The following NOS1AP variants were observed in gnomAD, a reference collection of about 807,000 sequenced individuals.
NOS1AP encodes the protein carboxyl-terminal PDZ ligand of neuronal nitric oxide synthase protein.
Under a neutral mutation model 56.2 loss-of-function variants are expected in NOS1AP, and 21 were observed. The ratio of observed to expected loss-of-function variants is 0.37; its 90% CI spans 0.26 to 0.54. The LOEUF is 0.54. Among genes scored for constraint, NOS1AP ranks in the 20% least tolerant of loss-of-function variants. The pLI is 0.84. For synonymous variants in NOS1AP, 270 were observed against 274.6 expected (o/e 0.98, Z 0.17); for missense variants, 522 against 657.8 (o/e 0.79, Z 2.26).
chr1:162,279,560 A>G (rs1192360229), intron 2 of NOS1AP, among the ~76,000 whole-genome samples: 1 of 152,226 alleles, frequency 6.6e-6, no homozygotes, highest in Non-Finnish European at 1.5e-5. Flanking sequence ...CCTTAAGTTC[A>G]GAAGGTCTCT....
intron 2 of NOS1AP, among the ~76,000 whole-genome samples, chr1:162,238,070 T>C (rs1653363704): frequency 6.6e-6 from 1 of 152,066 alleles, no homozygotes; most frequent in African/African-American, 2.4e-5. Context: ...GCAAGCATGC[T>C]CTCTGCTTGA....
chr1:162,105,795 G>A (rs893692279), intron 1 of NOS1AP, among the ~76,000 whole-genome samples: 1 of 152,224 alleles, frequency 6.6e-6, no homozygotes, highest in African/African-American at 2.4e-5. Context: ...CAGGGATGGT[G>A]GCTGGTCCTC....
At chr1:162,127,855 G>A (rs1187813878) in intron 1 of NOS1AP, among the ~76,000 whole-genome samples, 3 of 152,118 alleles carry the variant, frequency 2.0e-5, no homozygotes, top group African/African-American at 7.2e-5. Flanking sequence ...ATTACAATTC[G>A]ACATGAGATT....
At chr1:162,257,054 G>A (rs1251689364) in intron 2 of NOS1AP, among the ~76,000 whole-genome samples, 2 of 152,176 alleles carry the variant, frequency 1.3e-5, no homozygotes, top group African/African-American at 2.4e-5. Context: ...GGTATTAGGG[G>A]TGAGAGGGCT....
At chr1:162,223,752 T>C (rs1652856839) in intron 2 of NOS1AP, among the ~76,000 whole-genome samples, 2 of 152,222 alleles carry the variant, frequency 1.3e-5, no homozygotes, top group African/African-American at 4.8e-5. Flanking sequence ...TTTCAAAGCA[T>C]GCGCCTTGCA....
intron 1 of NOS1AP, among the ~76,000 whole-genome samples, chr1:162,098,102 C>CTTTT (rs35307081): frequency 1.6e-3 from 125 of 80,590 alleles, no homozygotes; most frequent in African/African-American, 2.7e-3. Flanking sequence ...CTCTCTTTTG[C>CTTTT]TTTTTTTTTT....
At chr1:162,119,746 ATCTC>A (rs1648126035) in intron 1 of NOS1AP, among the ~76,000 whole-genome samples, 2 of 152,158 alleles carry the variant, frequency 1.3e-5, no homozygotes, top group South Asian at 4.1e-4. Flanking sequence ...GGGCGAGGGA[ATCTC>A]TCTCTTGTCT....
At chr1:162,088,433 C>T (rs1692050885) in intron 1 of NOS1AP, among the ~76,000 whole-genome samples, 1 of 151,986 alleles carries the variant, frequency 6.6e-6, no homozygotes, top group South Asian at 2.1e-4. Flanking sequence ...CATGTGCAGC[C>T]ATAAGAACTG....
At chr1:162,310,870 A>G (rs762064041) in intron 4 of NOS1AP, among the ~76,000 whole-genome samples, 5 of 137,366 alleles carry the variant, frequency 3.6e-5, no homozygotes, top group Non-Finnish European at 7.9e-5. Context: ...GTCACTGCCA[A>G]CTGTCTCTCT....
intron 2 of NOS1AP, among the ~76,000 whole-genome samples, chr1:162,264,469 C>CCTCTCCTCTCCTCTCCTGT (rs373124349): frequency 1.3e-4 from 4 of 31,862 alleles, no homozygotes; most frequent in Non-Finnish European, 1.8e-4. Context: ...TCTTCTCCTC[C>CCTCTCCTCTCCTCTCCTGT]CCTCCCCTCC....
chr1:162,171,619 A>G (rs1650786556), intron 2 of NOS1AP, among the ~76,000 whole-genome samples: 1 of 152,058 alleles, frequency 6.6e-6, no homozygotes, highest in Admixed American at 6.6e-5. Context: ...CTGAACTTGG[A>G]GCCTTTGGGG....
intron 2 of NOS1AP, among the ~76,000 whole-genome samples, chr1:162,221,233 C>T (rs1303653188): frequency 5.3e-5 from 8 of 152,212 alleles, no homozygotes; most frequent in Admixed American, 5.2e-4. Flanking sequence ...GCCACCGCGC[C>T]CAGCCCACAC....
At chr1:162,322,606 G>T (rs1258204130) in intron 4 of NOS1AP, among the ~76,000 whole-genome samples, 1 of 152,164 alleles carries the variant, frequency 6.6e-6, no homozygotes. Context: ...CATATCCCTG[G>T]ATTGGTTTAT....
Position 162,335,660 on chromosome 1 carries a change from C to T in NOS1AP, c.453+2535C>T, listed in dbSNP as rs140710414. ...TAGGGAGTCCTCTTGACTGGAAGCCCGCAGATGTGGGTGTTCTCCGGAGCC... is the reference window on the plus strand; with the variant it reads ...TAGGGAGTCCTCTTGACTGGAAGCCTGCAGATGTGGGTGTTCTCCGGAGCC... On this transcript the variant is annotated intron_variant, in intron 5 of 9. Coordinates refer to ENST00000361897, the MANE Select transcript of NOS1AP (RefSeq NM_014697.3). Among the ~76,000 whole-genome samples, 329 of 152,136 alleles carry T rather than the reference C, an allele frequency of 2.2e-3. 1 individual carries two copies. The highest frequency in any genetic ancestry group is 7.5e-3 in the African/African-American group (311 of 41,486).
intron 2 of NOS1AP, among the ~76,000 whole-genome samples, chr1:162,155,286 A>G (rs1393405829): frequency 6.5e-5 from 9 of 139,182 alleles, no homozygotes; most frequent in South Asian, 2.3e-4. Context: ...ATACACATAT[A>G]TACATATATA....
chr1:162,154,414 A>G lies in NOS1AP; in HGVS notation c.115A>G (p.Ser39Gly). 3 of 1,614,102 alleles carry G rather than the reference A, an allele frequency of 1.9e-6. No homozygotes were observed. The highest frequency in any genetic ancestry group is 2.5e-6 in the Non-Finnish European group (3 of 1,179,978). Residue 39 changes from serine (S) to glycine (G), a missense_variant, in exon 2 of 10, where the codon AGC (serine) becomes GGC (glycine). By Grantham distance (56) the Ser-to-Gly change is moderately conservative (BLOSUM62 0). Transcript: ENST00000361897. ...GICFEAKYVG[S>G]LDVPRPNSRV... ...TGCTTCTCCCCCACAGTACGTAGGA[A>G]GCCTGGACGTGCCAAGGCCCAACAG...
chr1:162,081,774 A>ATATATATATTTTTTTTTTTTTTTTTTTTT, intron 1 of NOS1AP, among the ~76,000 whole-genome samples: 12 of 44,030 alleles, frequency 2.7e-4, no homozygotes, highest in African/African-American at 7.7e-4. Context: ...ATATATATAT[A>ATATATATATTTTTTTTTTTTTTTTTTTTT]TTTTTTTTTT....
intron 2 of NOS1AP, among the ~76,000 whole-genome samples, chr1:162,201,021 A>G (rs1191838332): frequency 6.6e-6 from 1 of 152,142 alleles, no homozygotes; most frequent in African/African-American, 2.4e-5. Context: ...TAAGCCTAGT[A>G]CCCATTAATT....
intron 8 of NOS1AP, chr1:162,364,219 C>A: frequency 1.0e-6 from 1 of 985,504 alleles, no homozygotes; most frequent in Non-Finnish European, 1.2e-6. Flanking sequence ...CCTGCATCCT[C>A]GTCCCACCTC....
Sources: allele counts gnomAD v4.1 joint callset (sites outside exome capture counted in the v4.1 genomes callset), GRCh38; gene constraint gnomAD v4.1.1; transcripts MANE v1.5; gene names NCBI Gene and HGNC (gene_info 2026-07-23, HGNC 2026-07-21).